The following STK33 variants were observed in gnomAD, a reference collection of about 807,000 sequenced individuals.
STK33 encodes the protein serine/threonine kinase 33, also known as serine/threonine-protein kinase 33.
A neutral mutation model predicts 58.0 loss-of-function variants in STK33; 52 were observed. The observed-to-expected ratio is 0.90, with a 90% CI of 0.72 to 1.13. The LOEUF (loss-of-function observed/expected upper bound fraction) is 1.13, where lower values mean the gene tolerates loss of function less well. Among genes scored for constraint, STK33 ranks in the 50% most tolerant of loss-of-function variants. The probability of loss-of-function intolerance (pLI) is 0.00; values close to 1 mark genes in which losing one functional copy is unlikely to be tolerated. For synonymous variants in STK33, 215 were observed against 200.1 expected (o/e 1.07, Z -0.63); for missense variants, 630 against 604.2 (o/e 1.04, Z -0.45).
At chr11:8,583,951 G>A (rs1192839160) in intron 1 of STK33, among the ~76,000 whole-genome samples, 3 of 151,910 alleles carry the variant, frequency 2.0e-5, no homozygotes, top group Non-Finnish European at 4.4e-5. Flanking sequence ...TGAGTATAAC[G>A]AATACAGCTA....
chr11:8,405,865 G>A (rs896164218), intron 15 of STK33, among the ~76,000 whole-genome samples: 4 of 152,014 alleles, frequency 2.6e-5, no homozygotes, highest in Admixed American at 1.3e-4. Context: ...TGACTGGGCC[G>A]GGCGCGGTGG....
At chr11:8,338,215 T>C in the STK33 span, among the ~76,000 whole-genome samples, 1 of 152,124 alleles carries the variant, frequency 6.6e-6, no homozygotes, top group East Asian at 1.9e-4. Context: ...GCATACCGGC[T>C]TCTGTGATCC....
downstream of STK33, among the ~76,000 whole-genome samples, chr11:8,390,779 G>A (rs1848609912): frequency 6.6e-6 from 1 of 152,162 alleles, no homozygotes; most frequent in Non-Finnish European, 1.5e-5. Context: ...TTAGTTAGTG[G>A]TTAGTTCTGG....
At chr11:8,543,993 A>G (rs1955716345) in intron 1 of STK33, among the ~76,000 whole-genome samples, 1 of 152,310 alleles carries the variant, frequency 6.6e-6, no homozygotes, top group South Asian at 2.1e-4. Flanking sequence ...CCAGTTCAAA[A>G]TAATACTAAA....
At chr11:8,541,012 A>C (rs1343005267) in intron 1 of STK33, among the ~76,000 whole-genome samples, 10 of 148,896 alleles carry the variant, frequency 6.7e-5, no homozygotes, top group Admixed American at 3.4e-4. Flanking sequence ...ATATATATAT[A>C]TCTCATAACA....
chr11:8,517,444 G>A (rs1014029598), intron 1 of STK33, among the ~76,000 whole-genome samples: 19 of 152,218 alleles, frequency 1.2e-4, no homozygotes, highest in Admixed American at 1.1e-3. Context: ...CCAAAGCAAT[G>A]CAGCTCCTCG....
the STK33 span, among the ~76,000 whole-genome samples, chr11:8,342,835 C>A: frequency 2.4e-4 from 37 of 152,314 alleles, no homozygotes; most frequent in African/African-American, 8.4e-4. Flanking sequence ...TAAGACCTGG[C>A]TTTCCTTGTG....
the STK33 span, among the ~76,000 whole-genome samples, chr11:8,358,142 G>A: frequency 3.8e-3 from 584 of 152,320 alleles, 2 homozygotes; most frequent in African/African-American, 0.014. Context: ...GCCTTCTCCT[G>A]CACTTCCCCT....
At chr11:8,338,857 T>C in the STK33 span, among the ~76,000 whole-genome samples, 1 of 152,138 alleles carries the variant, frequency 6.6e-6, no homozygotes, top group Admixed American at 6.5e-5. Context: ...AATCTCTGAT[T>C]TTTGTCCTCA....
Position 8,452,907 on chromosome 11 carries a change from C to G in STK33, c.787-1G>C, listed in dbSNP as rs1391710919. The G allele has an allele frequency of 6.2e-7, 1 of 1,613,890 alleles. No homozygotes were observed. Among genetic ancestry groups the G allele is most frequent in the South Asian group, 1.1e-5 (1 of 91,040 alleles). On this transcript the variant is annotated splice_acceptor_variant, in intron 10 of 15. Coordinates refer to ENST00000687296, the MANE Select transcript of STK33 (RefSeq NM_001352389.2). LOFTEE classifies it high-confidence loss of function. ...TCACCGCTAAGCCAAAATCAGTCACCTGGGAGAAGAAATTCAAGCACAGTC... is the reference window on the plus strand; with the variant it reads ...TCACCGCTAAGCCAAAATCAGTCACGTGGGAGAAGAAATTCAAGCACAGTC...
chr11:8,474,758 T>C lies in STK33; in HGVS notation c.148A>G (p.Ser50Gly), dbSNP rs144113279. Residue 50 changes from serine (S) to glycine (G), a missense_variant, in exon 5 of 16, where the codon AGT becomes GGT. Transcript: ENST00000687296. ...TCCAGTGAAATTAAAGATTCTGCAC[T>C]ACCAATGCTTGATGTCTGTGACATT... is the stretch of plus-strand genomic sequence containing the variant. ...VEMSQTSSIG[S>G]AESLISLERK... The C allele has an allele frequency of 5.6e-6, 9 of 1,613,568 alleles. No homozygotes were observed. In the African/African-American group the frequency reaches 1.2e-4, roughly 22 times the overall value.
chr11:8,391,499 C>A (rs568008370), downstream of STK33, among the ~76,000 whole-genome samples: 1 of 152,312 alleles, frequency 6.6e-6, no homozygotes, highest in African/African-American at 2.4e-5. Flanking sequence ...TTAAATGCAA[C>A]TAGTATATGC....
At chr11:8,449,334 A>G (rs560974540) in intron 11 of STK33, among the ~76,000 whole-genome samples, 2 of 151,742 alleles carry the variant, frequency 1.3e-5, no homozygotes, top group East Asian at 1.9e-4. Flanking sequence ...ACATGCACAC[A>G]TATGTTTACT....
At chr11:8,505,315 T>C (rs554500814) in intron 1 of STK33, among the ~76,000 whole-genome samples, 2 of 152,360 alleles carry the variant, frequency 1.3e-5, no homozygotes, top group Admixed American at 6.5e-5. Flanking sequence ...CATAGATTTA[T>C]TGAATGTTAA....
At chr11:8,552,521 T>C (rs1956371461) in intron 1 of STK33, among the ~76,000 whole-genome samples, 1 of 152,196 alleles carries the variant, frequency 6.6e-6, no homozygotes, top group South Asian at 2.1e-4. Flanking sequence ...TTTACAAAAA[T>C]ATTTTATCTC....
intron 6 of STK33, among the ~76,000 whole-genome samples, chr11:8,467,816 G>C (rs1043263253): frequency 1.3e-5 from 2 of 152,120 alleles, no homozygotes; most frequent in Non-Finnish European, 2.9e-5. Flanking sequence ...GTGGTGGCCT[G>C]TGCCTATAAT....
intron 15 of STK33, among the ~76,000 whole-genome samples, chr11:8,398,244 C>G (rs557148593): frequency 3.3e-5 from 5 of 152,372 alleles, no homozygotes; most frequent in Admixed American, 3.3e-4. Context: ...TGAAGCCCAT[C>G]AGACTAACAG....
chr11:8,422,821 TTC>T (rs1304762202), intron 14 of STK33, among the ~76,000 whole-genome samples: 2 of 151,894 alleles, frequency 1.3e-5, no homozygotes, highest in African/African-American at 2.4e-5. Context: ...AAGATTTTTT[TTC>T]TCTCTCTCTT....
At chr11:8,373,487 T>C in the STK33 span, among the ~76,000 whole-genome samples, 3 of 152,056 alleles carry the variant, frequency 2.0e-5, no homozygotes, top group East Asian at 3.9e-4. Context: ...AGGAAGACGA[T>C]GAGGGTGCTA....
Sources: gnomAD v4.1 joint callset for allele counts (sites outside exome capture counted in the v4.1 genomes callset) on GRCh38, gnomAD v4.1.1 for gene constraint, MANE v1.5 for transcripts, NCBI Gene and HGNC (gene_info 2026-07-23, HGNC 2026-07-21) for gene names.